Variants in MYH15 observed in about 807,000 individuals in gnomAD.
The protein encoded by MYH15 is myosin-15.
MYH15 carries 227 observed loss-of-function variants against 240.5 expected under a neutral mutation model. The ratio of observed to expected loss-of-function variants is 0.94; its 90% CI spans 0.85 to 1.05. MYH15 has a LOEUF of 1.05. Among genes scored for constraint, MYH15 ranks in the 50% least tolerant of loss-of-function variants. The pLI is 0.00. For synonymous variants in MYH15, 785 were observed against 796.7 expected (o/e 0.99, Z 0.25); for missense variants, 2,217 against 2,247.5 (o/e 0.99, Z 0.27).
chr3:108,517,485 A>G (rs2083582974), intron 1 of MYH15, among the ~76,000 whole-genome samples: 1 of 152,052 alleles, frequency 6.6e-6, no homozygotes, highest in Admixed American at 6.6e-5. Flanking sequence ...GGTGCCCAAC[A>G]CCATGAATGG....
rs1338799684 is a variant in MYH15, at chr3:108,455,682, C to A, written c.2262+54G>T. The A allele has an allele frequency of 5.0e-6, 8 of 1,584,886 alleles. No homozygotes were observed. In the East Asian group the frequency reaches 1.3e-4, roughly 27 times the overall value. ...GAGCATTCACAGGTATTTTAAGATA[C>A]ACAGTCTTCCCCCCATTCGTCTCCA... is the stretch of plus-strand genomic sequence containing the variant. On this transcript the variant is annotated intron_variant, in intron 20 of 40. Coordinates refer to ENST00000693548, the MANE Select transcript of MYH15 (RefSeq NM_014981.3).
Position 108,465,525 on chromosome 3 carries a change from A to G in MYH15, c.1555-711T>C, listed in dbSNP as rs796495232. The stretch of plus-strand genomic sequence containing the variant: ...TTTAAATGAAGTGCTGTGATTTGAT[A>G]TATGCTTAAAGAGGATCATTGGTTT... On this transcript the variant is annotated intron_variant, in intron 14 of 40. Coordinates refer to ENST00000693548, the MANE Select transcript of MYH15 (RefSeq NM_014981.3). Among the ~76,000 whole-genome samples the G allele has an allele frequency of 8.5e-5, 13 of 152,344 alleles. 2 individuals carry two copies. Among genetic ancestry groups the G allele is most frequent in the African/African-American group, 3.1e-4 (13 of 41,582 alleles).
chr3:108,491,010 C>A (rs1271364811), intron 9 of MYH15, among the ~76,000 whole-genome samples: 1 of 152,106 alleles, frequency 6.6e-6, no homozygotes, highest in East Asian at 1.9e-4. Context: ...GCCTCAGTCT[C>A]CTGAGTAGCC....
intron 37 of MYH15, among the ~76,000 whole-genome samples, chr3:108,389,550 T>A (rs538819825): frequency 2.0e-5 from 3 of 152,178 alleles, no homozygotes; most frequent in Non-Finnish European, 4.4e-5. Flanking sequence ...TGCTGCCTTA[T>A]AGAGTTACAC....
upstream of MYH15, among the ~76,000 whole-genome samples, chr3:108,530,236 A>G (rs2083702760): frequency 6.6e-6 from 1 of 152,212 alleles, no homozygotes; most frequent in African/African-American, 2.4e-5. Flanking sequence ...CTTAACTGCA[A>G]CTCAAAACAA....
the MYH15 span, among the ~76,000 whole-genome samples, chr3:108,547,200 A>T: frequency 6.6e-6 from 1 of 151,914 alleles, no homozygotes; most frequent in Non-Finnish European, 1.5e-5. Flanking sequence ...GACGTGTGTC[A>T]CTTTGTTGCC....
chr3:108,493,226 C>A lies in MYH15; in HGVS notation c.712-49G>T, dbSNP rs766996641. 2.0e-6 allele frequency: 3 copies of A among 1,521,358 alleles called. No individual in the cohort carries two copies. The African/African-American group carries it at 4.1e-5, about 21-fold the overall frequency. The allele number at this position is 1,521,358 out of a possible 1,614,324, so 94.2% of individuals were successfully genotyped here. A position where few individuals can be genotyped will look rare whatever the true frequency, so the allele number is the denominator to read the frequency against. ...CAGACACAAAACACAGTTTCCTATT[C>A]ACATTTTCCAAGCACTTGCAATGGC... On this transcript the variant is annotated intron_variant, in intron 7 of 40. Transcript: ENST00000693548.
At chr3:108,545,391 T>C in the MYH15 span, among the ~76,000 whole-genome samples, 1 of 152,160 alleles carries the variant, frequency 6.6e-6, no homozygotes, top group East Asian at 1.9e-4. Context: ...CATAAAACTT[T>C]TTACTTCGTT....
intron 32 of MYH15, 123 bp downstream of exon 32, chr3:108,408,157 T>G: frequency 1.9e-6 from 2 of 1,080,688 alleles, no homozygotes; most frequent in South Asian, 3.5e-5. Flanking sequence ...TTTGGCAGAG[T>G]GCCTAGCATA....
chr3:108,521,068 A>G (rs1050767099), intron 1 of MYH15, among the ~76,000 whole-genome samples: 7 of 152,062 alleles, frequency 4.6e-5, no homozygotes, highest in Admixed American at 6.6e-5. Flanking sequence ...TTCTTGTAAT[A>G]ATTATAATAT....
Position 108,500,147 on chromosome 3 carries a change from G to T in MYH15, c.467C>A (p.Ala156Asp), listed in dbSNP as rs1463337088. The T allele has an allele frequency of 1.2e-6, 2 of 1,613,726 alleles. No homozygotes were observed. Among genetic ancestry groups the T allele is most frequent in the Non-Finnish European group, 1.7e-6 (2 of 1,179,894 alleles). The change falls in exon 4 of 41, where the codon GCC becomes GAC. Residue 156 changes from alanine to aspartate, a missense_variant. Coordinates refer to ENST00000693548, the MANE Select transcript of MYH15 (RefSeq NM_014981.3). ...SEAPPHIFAV[A>D]NNAFQDMLHN... The stretch of plus-strand genomic sequence containing the variant: ...AAGCATGTCCTGAAAGGCGTTATTG[G>T]CAACAGCAAAGATGTGAGGGGGAGC...
At chr3:108,526,301 G>C (rs761176828) in intron 1 of MYH15, among the ~76,000 whole-genome samples, 2 of 152,182 alleles carry the variant, frequency 1.3e-5, no homozygotes, top group Non-Finnish European at 2.9e-5. Flanking sequence ...TTTGCACATA[G>C]AGCTTCTATT....
chr3:108,494,173 C>T (rs77542347), intron 7 of MYH15, among the ~76,000 whole-genome samples: 6,188 of 152,270 alleles, frequency 0.041, 403 homozygotes, highest in African/African-American at 0.14. Flanking sequence ...ACGTGAGTGG[C>T]TCTGTACAGG....
the MYH15 span, among the ~76,000 whole-genome samples, chr3:108,534,736 C>T: frequency 6.7e-6 from 1 of 149,372 alleles, no homozygotes; most frequent in Non-Finnish European, 1.5e-5. Flanking sequence ...TTTAGATTAG[C>T]TGGGCGTGGT....
At chr3:108,495,754 A>G (rs2083384727) in intron 7 of MYH15, 26 bp downstream of exon 7, 2 of 1,560,278 alleles carry the variant, frequency 1.3e-6, no homozygotes. Flanking sequence ...AAATACTTTG[A>G]TATTATGCTA....
intron 1 of MYH15, among the ~76,000 whole-genome samples, chr3:108,522,345 T>G (rs1289492265): frequency 6.6e-6 from 1 of 151,998 alleles, no homozygotes; most frequent in Non-Finnish European, 1.5e-5. Context: ...AGATTCAAAT[T>G]TTTCCTAGGG....
At chr3:108,504,834 T>C (rs1260291352) in intron 2 of MYH15, among the ~76,000 whole-genome samples, 2 of 152,180 alleles carry the variant, frequency 1.3e-5, no homozygotes, top group African/African-American at 2.4e-5. Context: ...TGGCGGGTAT[T>C]ATGGCTTCAC....
upstream of MYH15, chr3:108,510,668 T>C (rs901251117): frequency 2.9e-6 from 4 of 1,373,736 alleles, no homozygotes; most frequent in South Asian, 4.1e-5. Flanking sequence ...TTCACATAGA[T>C]AGACTAAAGA....
At chr3:108,468,114 C>A (rs760128707) in intron 14 of MYH15, among the ~76,000 whole-genome samples, 1 of 151,996 alleles carries the variant, frequency 6.6e-6, no homozygotes. Context: ...TACAGGCATG[C>A]GCCACCACAT....
Sources: allele counts gnomAD v4.1 joint callset (sites outside exome capture counted in the v4.1 genomes callset), GRCh38; gene constraint gnomAD v4.1.1; transcripts MANE v1.5; gene names NCBI Gene and HGNC (gene_info 2026-07-23, HGNC 2026-07-21).